KCNH7: variants seen among roughly 807,000 people sequenced by gnomAD.
KCNH7 encodes voltage-gated inwardly rectifying potassium channel KCNH7.
KCNH7 carries 49 observed loss-of-function variants against 120.8 expected under a neutral mutation model. The observed-to-expected ratio is 0.41, with a 90% confidence interval of 0.32 to 0.51. The LOEUF is 0.51. KCNH7 is among the 20% of genes least tolerant of loss of function. The pLI is 0.38. For synonymous variants in KCNH7, 547 were observed against 516.1 expected, an observed-to-expected ratio of 1.06 and a Z score of -0.81; for missense variants, 1,097 against 1,446.6, an observed-to-expected ratio of 0.76 and a Z score of 3.92.
chr2:162,838,614 C>G lies in KCNH7; in HGVS notation c.-96G>C. ...AGCCCAGGCCAGCGCGCGAGCCGCT[C>G]TTTGTGGCAGAGCATCCTCTTTTGA... On this transcript the variant is annotated 5_prime_UTR_variant, in exon 1 of 16. Coordinates refer to ENST00000332142, the MANE Select transcript of KCNH7 (RefSeq NM_033272.4). The G allele has an allele frequency of 1.1e-6, 1 of 943,354 alleles. No homozygotes were observed. The highest frequency in any genetic ancestry group is 1.4e-5 in the South Asian group (1 of 69,554). 58.4% of individuals were successfully genotyped at this position (943,354 alleles called of 1,614,324 possible).
rs1574134373 is a variant in KCNH7, at chr2:162,584,298, A to G, written c.308-47218T>C. 2.6e-5 allele frequency among the ~76,000 whole-genome samples: 4 copies of G among 152,208 alleles called. No individual in the cohort carries two copies. In the South Asian group the frequency reaches 6.2e-4, roughly 24 times the overall value. The stretch of plus-strand genomic sequence containing the variant: ...GGGAGGGAAACATCATCTATATCTT[A>G]TGTCCATTTCCATTTTATTTTTATT... On this transcript the variant is annotated intron_variant, in intron 2 of 15. Coordinates refer to ENST00000332142, the MANE Select transcript of KCNH7 (RefSeq NM_033272.4).
intron 3 of KCNH7, among the ~76,000 whole-genome samples, chr2:162,531,838 T>G (rs1389418857): frequency 6.6e-6 from 1 of 152,008 alleles, no homozygotes; most frequent in African/African-American, 2.4e-5. Flanking sequence ...AAATTGCTAT[T>G]AAGAAAAATT....
At chr2:162,372,682 A>G (rs1685999088) in intron 15 of KCNH7, among the ~76,000 whole-genome samples, 1 of 152,086 alleles carries the variant, frequency 6.6e-6, no homozygotes, top group South Asian at 2.1e-4. Flanking sequence ...AACGTCTTAA[A>G]TTAAATTCCC....
At chr2:162,380,061 G>GC (rs1360193756) in intron 13 of KCNH7, 40 bp from the exon 14 acceptor site, 4 of 1,599,784 alleles carry the variant, frequency 2.5e-6, no homozygotes, top group Non-Finnish European at 3.4e-6. Context: ...ACTCTTAGGT[G>GC]CCCCTTTGCG....
At chr2:162,740,722 T>C (rs1049937093) in intron 2 of KCNH7, among the ~76,000 whole-genome samples, 7 of 152,314 alleles carry the variant, frequency 4.6e-5, no homozygotes, top group Non-Finnish European at 1.0e-4. Context: ...TACCTTCCAC[T>C]CTACATCAGG....
At chr2:162,695,973 A>G (rs1232011030) in intron 2 of KCNH7, among the ~76,000 whole-genome samples, 1 of 152,222 alleles carries the variant, frequency 6.6e-6, no homozygotes, top group African/African-American at 2.4e-5. Flanking sequence ...AACCCTAACT[A>G]TTCCTAAAAA....
chr2:162,636,093 C>T (rs1165591064), intron 2 of KCNH7, among the ~76,000 whole-genome samples: 3 of 152,006 alleles, frequency 2.0e-5, no homozygotes, highest in African/African-American at 7.2e-5. Context: ...AAATGTATCC[C>T]TTCCAAATTG....
chr2:162,817,295 G>A lies in KCNH7; in HGVS notation c.307+19242C>T, dbSNP rs570422584. Among the ~76,000 whole-genome samples, 3 of 152,176 alleles carry A rather than the reference G, an allele frequency of 2.0e-5. No individual in the cohort carries two copies. In the South Asian group the frequency reaches 6.2e-4, roughly 32 times the overall value. On this transcript the variant is annotated intron_variant, in intron 2 of 15. Coordinates refer to ENST00000332142, the MANE Select transcript of KCNH7 (RefSeq NM_033272.4). ...ATAGTTTAGTTTTGCCTAATCTTGA[G>A]CTTTATGTAATTAGAGATATGCAAT...
At chr2:162,562,557 AGGTAAAAGTACTC>A (rs754174666) in intron 2 of KCNH7, among the ~76,000 whole-genome samples, 19 of 152,288 alleles carry the variant, frequency 1.2e-4, no homozygotes, top group Admixed American at 3.3e-4. Flanking sequence ...TTGACCGCTC[AGGTAAAAGTACTC>A]GGTCCTTAGC....
chr2:162,516,598 A>G (rs1214610371), intron 4 of KCNH7, among the ~76,000 whole-genome samples: 1 of 151,734 alleles, frequency 6.6e-6, no homozygotes, highest in East Asian at 2.0e-4. Flanking sequence ...TAATGTTTTA[A>G]AGACAAAACT....
At chr2:162,527,700 CG>C (rs1691761014) in intron 3 of KCNH7, among the ~76,000 whole-genome samples, 1 of 151,698 alleles carries the variant, frequency 6.6e-6, no homozygotes, top group Non-Finnish European at 1.5e-5. Context: ...TTTTAGTAAG[CG>C]TAAAAGTAAA....
At chr2:162,700,322 G>C (rs1183317294) in intron 2 of KCNH7, among the ~76,000 whole-genome samples, 1 of 152,138 alleles carries the variant, frequency 6.6e-6, no homozygotes, top group Admixed American at 6.6e-5. Context: ...TTTTGCTGTG[G>C]AACCACGAGA....
intron 2 of KCNH7, among the ~76,000 whole-genome samples, chr2:162,622,241 T>A (rs1347563612): frequency 6.6e-6 from 1 of 152,134 alleles, no homozygotes; most frequent in Admixed American, 6.5e-5. Flanking sequence ...TAAAACATCA[T>A]GGGAGAGAGT....
chr2:162,561,395 T>A (rs886636622), intron 2 of KCNH7, among the ~76,000 whole-genome samples: 2 of 152,214 alleles, frequency 1.3e-5, no homozygotes, highest in African/African-American at 4.8e-5. Context: ...TATAATCCTT[T>A]GGGTATATAC....
chr2:162,441,048 T>C (rs1184181594), intron 7 of KCNH7, among the ~76,000 whole-genome samples: 4 of 152,076 alleles, frequency 2.6e-5, no homozygotes, highest in African/African-American at 9.7e-5. Flanking sequence ...ATTTTTCCAC[T>C]GGGGATCTCA....
At chr2:162,807,575 C>A (rs187550449) in intron 2 of KCNH7, among the ~76,000 whole-genome samples, 1 of 152,096 alleles carries the variant, frequency 6.6e-6, no homozygotes, top group African/African-American at 2.4e-5. Flanking sequence ...TCCCTCTGCA[C>A]GCTGAAAAAT....
chr2:162,492,564 C>A lies in KCNH7; in HGVS notation c.1128+11879G>T, dbSNP rs6731526. Among the ~76,000 whole-genome samples the A allele has an allele frequency of 2.3e-3, 354 of 152,296 alleles. 1 individual carries two copies. The highest frequency in any genetic ancestry group is 8.1e-3 in the African/African-American group (336 of 41,560). ...AGCTTCCTTTCTTAAATCTTCCCTT[C>A]CCTGAGCTACCTATAAAGATTCCAG... is the stretch of plus-strand genomic sequence containing the variant. On this transcript the variant is annotated intron_variant, in intron 6 of 15. Coordinates refer to ENST00000332142, the MANE Select transcript of KCNH7 (RefSeq NM_033272.4).
At chr2:162,501,419 C>T (rs997408866) in intron 6 of KCNH7, among the ~76,000 whole-genome samples, 1 of 151,946 alleles carries the variant, frequency 6.6e-6, no homozygotes, top group East Asian at 1.9e-4. Context: ...GGGGATACTC[C>T]ACAATTTGTG....
intron 2 of KCNH7, among the ~76,000 whole-genome samples, chr2:162,835,340 G>A (rs1350444804): frequency 6.6e-6 from 1 of 151,936 alleles, no homozygotes; most frequent in Non-Finnish European, 1.5e-5. Flanking sequence ...AAGAAAATAA[G>A]AGTAAGACTG....
Sources: allele counts gnomAD v4.1 joint callset (sites outside exome capture counted in the v4.1 genomes callset), GRCh38; gene constraint gnomAD v4.1.1; transcripts MANE v1.5; gene names NCBI Gene and HGNC (gene_info 2026-07-23, HGNC 2026-07-21).